The following NUCKS1 variants were observed in gnomAD, a reference collection of about 807,000 sequenced individuals.
The protein encoded by NUCKS1 is nuclear casein kinase and cyclin dependent kinase substrate 1, also known as nuclear ubiquitous casein and cyclin-dependent kinase substrate 1.
Under a neutral mutation model 33.0 loss-of-function variants are expected in NUCKS1, and 2 were observed. That is an observed-to-expected ratio of 0.06 (90% CI 0.02 to 0.19). The LOEUF (loss-of-function observed/expected upper bound fraction) is 0.19. Among genes scored for constraint, NUCKS1 ranks in the 10% least tolerant of loss-of-function variants. The pLI is 1.00. For synonymous variants in NUCKS1, 106 were observed against 102.8 expected (o/e 1.03, Z -0.19); for missense variants, 201 against 293.6 (o/e 0.68, Z 2.31).
chr1:205,736,944 C>A (rs551975022), intron 1 of NUCKS1, among the ~76,000 whole-genome samples: 1 of 151,964 alleles, frequency 6.6e-6, no homozygotes, highest in South Asian at 2.1e-4. Flanking sequence ...TTAGCATGGT[C>A]TAAATCTAAC....
rs1215949227 is a variant in NUCKS1, at chr1:205,717,281, T to A, written c.*999A>T. On this transcript the variant is annotated 3_prime_UTR_variant, in exon 7 of 7. Coordinates refer to ENST00000367142, the MANE Select transcript of NUCKS1 (RefSeq NM_022731.5). ...TTCATAAAGGAAAAATCTCAACTCT[T>A]TGTGACTGAGTTTCACATTAACTGG... The A allele has an allele frequency of 4.1e-6, 4 of 984,880 alleles. No individual in the cohort carries two copies. The allele number at this position is 984,880 out of a possible 1,614,324, so 61.0% of individuals were successfully genotyped here.
At chr1:205,749,863 G>C in intron 1 of NUCKS1, 94 bp downstream of exon 1, 1 of 1,356,826 alleles carries the variant, frequency 7.4e-7, no homozygotes, top group Non-Finnish European at 1.0e-6. Context: ...CGCGGCACCG[G>C]GGATGGCGGA....
In NUCKS1 at chr1:205,750,030, C is replaced by A; in HGVS notation, c.-57G>T. ...GCCAAAGACCAGGACCCCCCCCACC[C>A]CGCGCGCTCGGCGCCCCACCCCCCC... is the stretch of plus-strand genomic sequence containing the variant. On this transcript the variant is annotated 5_prime_UTR_variant, in exon 1 of 7. Transcript: ENST00000367142. 2 of 1,104,628 alleles carry A rather than the reference C, an allele frequency of 1.8e-6. No homozygotes were observed. The highest frequency in any genetic ancestry group is 2.5e-6 in the Non-Finnish European group (2 of 815,732). The allele number at this position is 1,104,628 out of a possible 1,614,324, so 68.4% of individuals were successfully genotyped here. A position where few individuals can be genotyped will look rare whatever the true frequency, so the allele number is the denominator to read the frequency against.
In NUCKS1 at chr1:205,749,999, C is replaced by A. The variant is rs372184381; in HGVS notation, c.-26G>T. Reference sequence around the variant, plus strand: ...GTTCGCTGTCGAAACAGGACCGAGTCGAGAAGCCAAAGACCAGGACCCCCC... The same window carrying A: ...GTTCGCTGTCGAAACAGGACCGAGTAGAGAAGCCAAAGACCAGGACCCCCC... On this transcript the variant is annotated 5_prime_UTR_variant, in exon 1 of 7. Coordinates refer to ENST00000367142, the MANE Select transcript of NUCKS1 (RefSeq NM_022731.5). The A allele has an allele frequency of 1.3e-6, 2 of 1,597,100 alleles. No homozygotes were observed. Among genetic ancestry groups the A allele is most frequent in the African/African-American group, 2.7e-5 (2 of 73,850 alleles).
At chr1:205,734,894 C>CA (rs995078664) in intron 1 of NUCKS1, among the ~76,000 whole-genome samples, 15 of 147,540 alleles carry the variant, frequency 1.0e-4, no homozygotes, top group East Asian at 3.9e-4. Context: ...GACTCCATCT[C>CA]AAAAAAAAAA....
intron 2 of NUCKS1, 87 bp from the exon 3 acceptor site, chr1:205,727,892 C>A: frequency 1.1e-6 from 1 of 901,016 alleles, no homozygotes; most frequent in Non-Finnish European, 1.7e-6. Context: ...ATCTCTCATG[C>A]TGTTTAAATG....
chr1:205,750,029 C>G lies in NUCKS1; in HGVS notation c.-56G>C. The G allele has an allele frequency of 9.3e-7, 1 of 1,073,532 alleles. No homozygotes were observed. The highest frequency in any genetic ancestry group is 1.3e-6 in the Non-Finnish European group (1 of 788,488). The allele number at this position is 1,073,532 out of a possible 1,614,324, so 66.5% of individuals were successfully genotyped here. Reference sequence around the variant, plus strand: ...AGCCAAAGACCAGGACCCCCCCCACCCCGCGCGCTCGGCGCCCCACCCCCC... The same window carrying G: ...AGCCAAAGACCAGGACCCCCCCCACGCCGCGCGCTCGGCGCCCCACCCCCC... On this transcript the variant is annotated 5_prime_UTR_variant, in exon 1 of 7. Transcript: ENST00000367142.
intron 4 of NUCKS1, among the ~76,000 whole-genome samples, chr1:205,723,033 C>T (rs1179581709): frequency 2.0e-5 from 3 of 152,210 alleles, no homozygotes; most frequent in Non-Finnish European, 2.9e-5. Context: ...CTAGGATTTA[C>T]AAGGCAAATG....
intron 1 of NUCKS1, among the ~76,000 whole-genome samples, 186 bp downstream of exon 1, chr1:205,749,771 G>A (rs1313901194): frequency 2.0e-5 from 3 of 151,234 alleles, no homozygotes; most frequent in Non-Finnish European, 3.0e-5. Context: ...GCGCGCACGG[G>A]CGCGCAGCCA....
chr1:205,718,875 A>C (rs1671874274), intron 6 of NUCKS1, among the ~76,000 whole-genome samples: 1 of 152,258 alleles, frequency 6.6e-6, no homozygotes, highest in African/African-American at 2.4e-5. Flanking sequence ...ATCTGATCAG[A>C]AACTAAAGCC....
chr1:205,729,428 G>A lies in NUCKS1; in HGVS notation c.67+144C>T, dbSNP rs1171402038. On this transcript the variant is annotated intron_variant, in intron 2 of 6. Coordinates refer to ENST00000367142, the MANE Select transcript of NUCKS1 (RefSeq NM_022731.5). The stretch of plus-strand genomic sequence containing the variant: ...CCATGTAAGTTCAACTTTTGCTTTG[G>A]TTGACACAGATCATGACATGGTTTT... The A allele has an allele frequency of 1.1e-5, 8 of 738,556 alleles. No homozygotes were observed. The Admixed American group carries it at 1.1e-4, about 10-fold the overall frequency. The allele number at this position is 738,556 out of a possible 1,614,324, so 45.8% of individuals were successfully genotyped here. A position where few individuals can be genotyped will look rare whatever the true frequency, so the allele number is the denominator to read the frequency against.
At position 205,745,098 on chromosome 1, in the gene NUCKS1, C is replaced by T. The variant is rs565805303; in HGVS notation, c.17+4859G>A. 5.9e-5 allele frequency among the ~76,000 whole-genome samples: 9 copies of T among 152,240 alleles called. No individual in the cohort carries two copies. In the South Asian group the frequency reaches 1.9e-3, roughly 32 times the overall value. ...GGTTTCAAACTAGGAATGTGGACTT[C>T]TAATACACTCTCTGTAAAATCAAAT... On this transcript the variant is annotated intron_variant, in intron 1 of 6. Transcript: ENST00000367142.
At chr1:205,743,076 C>CT (rs1247673194) in intron 1 of NUCKS1, among the ~76,000 whole-genome samples, 1 of 116,712 alleles carries the variant, frequency 8.6e-6, no homozygotes, top group Non-Finnish European at 1.9e-5. Flanking sequence ...GCCATGCAGA[C>CT]TGTAAGTCAT....
intron 1 of NUCKS1, among the ~76,000 whole-genome samples, chr1:205,746,443 TCTCTCTCTCTCACA>T (rs3220605): frequency 0.19 from 13,595 of 69,964 alleles, 1,147 homozygotes; most frequent in East Asian, 0.53. Flanking sequence ...CACTTCTCTC[TCTCTCTCTCTCACA>T]CACACACACA....
chr1:205,735,898 TTGTC>T (rs927900631), intron 1 of NUCKS1, among the ~76,000 whole-genome samples: 3 of 152,186 alleles, frequency 2.0e-5, no homozygotes, highest in Non-Finnish European at 2.9e-5. Context: ...TTCAGAAAGA[TTGTC>T]TTTGTTTTCT....
At chr1:205,730,381 A>G (rs1389886227) in intron 1 of NUCKS1, among the ~76,000 whole-genome samples, 2 of 152,084 alleles carry the variant, frequency 1.3e-5, no homozygotes, top group Non-Finnish European at 2.9e-5. Context: ...ACTTAAGCCT[A>G]AGTACTTAAC....
chr1:205,745,940 A>G (rs1390570566), intron 1 of NUCKS1, among the ~76,000 whole-genome samples: 1 of 152,236 alleles, frequency 6.6e-6, no homozygotes, highest in East Asian at 1.9e-4. Flanking sequence ...AATTTTAAAC[A>G]CTGTAATTTT....
At chr1:205,739,834 C>T (rs1270981713) in intron 1 of NUCKS1, among the ~76,000 whole-genome samples, 3 of 152,054 alleles carry the variant, frequency 2.0e-5, no homozygotes, top group Admixed American at 6.6e-5. Flanking sequence ...AGCGATCTGC[C>T]CTCCTCGGCC....
intron 3 of NUCKS1, among the ~76,000 whole-genome samples, chr1:205,725,491 C>T (rs1001753051): frequency 1.2e-4 from 18 of 152,156 alleles, no homozygotes; most frequent in Middle Eastern, 3.2e-3. Context: ...AATTCTGAAA[C>T]CTGTGACTGT....
Sources: allele counts gnomAD v4.1 joint callset (sites outside exome capture counted in the v4.1 genomes callset), GRCh38; gene constraint gnomAD v4.1.1; transcripts MANE v1.5; gene names NCBI Gene and HGNC (gene_info 2026-07-23, HGNC 2026-07-21).